NUMB: variants seen among roughly 807,000 people sequenced by gnomAD.
NUMB encodes the protein protein numb homolog.
Under a neutral mutation model 59.7 loss-of-function variants are expected in NUMB, and 29 were observed. The observed-to-expected ratio is 0.49, with a 90% confidence interval of 0.36 to 0.66. NUMB has a LOEUF of 0.66. Among genes scored for constraint, NUMB ranks in the 30% least tolerant of loss-of-function variants. The pLI, the probability that NUMB is intolerant of heterozygous loss-of-function variation, is 0.00. For missense variants in NUMB, 723 were observed against 822.0 expected (o/e 0.88, Z 1.47); for synonymous variants, 288 against 288.2 (o/e 1.00, Z 0.01).
intron 7 of NUMB, among the ~76,000 whole-genome samples, chr14:73,295,685 C>T (rs552258710): frequency 6.6e-6 from 1 of 152,114 alleles, no homozygotes; most frequent in Admixed American, 6.6e-5. Flanking sequence ...GACTTTCTCC[C>T]CTTTCAGTGG....
chr14:73,300,737 C>T (rs1312186775), intron 6 of NUMB, among the ~76,000 whole-genome samples: 2 of 152,030 alleles, frequency 1.3e-5, no homozygotes, highest in Non-Finnish European at 2.9e-5. Flanking sequence ...AAACTGGGAA[C>T]CCTTTGAAAA....
At chr14:73,430,839 G>T (rs935672188) in intron 1 of NUMB, among the ~76,000 whole-genome samples, 1 of 151,984 alleles carries the variant, frequency 6.6e-6, no homozygotes, top group Non-Finnish European at 1.5e-5. Context: ...CAGCTACTGG[G>T]AAGGCTGAGG....
At chr14:73,432,783 T>G (rs566264261) in intron 1 of NUMB, among the ~76,000 whole-genome samples, 1 of 152,190 alleles carries the variant, frequency 6.6e-6, no homozygotes, top group Non-Finnish European at 1.5e-5. Context: ...CTGTGATGCC[T>G]AGACCCTCTT....
intron 1 of NUMB, among the ~76,000 whole-genome samples, chr14:73,423,784 T>C (rs956848980): frequency 6.6e-6 from 1 of 151,748 alleles, no homozygotes; most frequent in African/African-American, 2.4e-5. Flanking sequence ...CACTCCAGCC[T>C]GGGCGTCAGA....
chr14:73,416,944 C>A (rs1447988135), intron 1 of NUMB, among the ~76,000 whole-genome samples: 1 of 151,622 alleles, frequency 6.6e-6, no homozygotes. Flanking sequence ...CCCCAACCCC[C>A]AGGCTCCACA....
intron 2 of NUMB, among the ~76,000 whole-genome samples, chr14:73,377,158 GATGACTTTGGGTAAGGCA>G (rs767149074): frequency 4.3e-4 from 65 of 152,274 alleles, no homozygotes; most frequent in Admixed American, 1.4e-3. Context: ...ATAACATCTA[GATGACTTTGGGTAAGGCA>G]ATGACTTTTA....
intron 2 of NUMB, among the ~76,000 whole-genome samples, chr14:73,387,956 C>CAAAA (rs66701940): frequency 1.4e-4 from 13 of 94,366 alleles, no homozygotes; most frequent in African/African-American, 3.7e-4. Context: ...CTGTCTCTAC[C>CAAAA]AAAAAAAAAA....
intron 4 of NUMB, among the ~76,000 whole-genome samples, chr14:73,330,269 C>A (rs933892440): frequency 7.9e-5 from 12 of 152,120 alleles, no homozygotes; most frequent in African/African-American, 2.2e-4. Context: ...TGAGCTCAAG[C>A]ATTCTGCCTG....
chr14:73,441,269 T>C (rs965218997), intron 1 of NUMB, among the ~76,000 whole-genome samples: 1 of 152,068 alleles, frequency 6.6e-6, no homozygotes, highest in Non-Finnish European at 1.5e-5. Context: ...ATTTCTACTT[T>C]AGGCCAGGCA....
chr14:73,355,868 AG>A (rs1456269679), intron 3 of NUMB, 102 bp from the exon 4 acceptor site: 2 of 845,100 alleles, frequency 2.4e-6, no homozygotes, highest in Admixed American at 5.7e-5. Context: ...CCAAAATTAA[AG>A]GTTTTGGGTT....
chr14:73,396,695 A>G (rs559884305), intron 2 of NUMB, among the ~76,000 whole-genome samples: 17 of 152,268 alleles, frequency 1.1e-4, no homozygotes, highest in African/African-American at 4.1e-4. Context: ...ATATGCAACT[A>G]AAGACCTTAA....
In NUMB at chr14:73,279,435, A is replaced by G. The variant is rs770597407; in HGVS notation, c.1097-11T>C. 1.9e-6 allele frequency: 3 copies of G among 1,564,236 alleles called. No homozygotes were observed. The highest frequency in any genetic ancestry group is 1.2e-5 in the South Asian group (1 of 81,578). Reference sequence around the variant, plus strand: ...AGTCAGTGCCATTAGCTACAACGGGAGCAGACAACATCAATGGAGTTAATT... The same window carrying G: ...AGTCAGTGCCATTAGCTACAACGGGGGCAGACAACATCAATGGAGTTAATT... On this transcript the variant is annotated splice_polypyrimidine_tract_variant and intron_variant, in intron 11 of 12. Coordinates refer to ENST00000555238, the MANE Select transcript of NUMB (RefSeq NM_001005743.2).
intron 1 of NUMB, among the ~76,000 whole-genome samples, chr14:73,435,734 C>T (rs1271601572): frequency 6.6e-6 from 1 of 151,898 alleles, no homozygotes; most frequent in Non-Finnish European, 1.5e-5. Flanking sequence ...GATCTGGGCT[C>T]AGTGGCTCAC....
chr14:73,339,830 A>G (rs1892535721), intron 4 of NUMB, among the ~76,000 whole-genome samples: 1 of 152,150 alleles, frequency 6.6e-6, no homozygotes, highest in Non-Finnish European at 1.5e-5. Flanking sequence ...CTTGCTAGCA[A>G]TGAGGTTAGT....
chr14:73,369,456 TTAAAA>T (rs1375657325), intron 2 of NUMB, among the ~76,000 whole-genome samples: 5 of 152,208 alleles, frequency 3.3e-5, no homozygotes, highest in Admixed American at 1.3e-4. Context: ...TAAAAAAGAC[TTAAAA>T]TAAGACTATT....
chr14:73,342,797 A>C (rs1892703888), intron 4 of NUMB, among the ~76,000 whole-genome samples: 1 of 152,186 alleles, frequency 6.6e-6, no homozygotes, highest in South Asian at 2.1e-4. Context: ...GCACACAGCT[A>C]ATAAGAGCAA....
At chr14:73,456,874 C>T (rs1884412505) in intron 1 of NUMB, among the ~76,000 whole-genome samples, 1 of 152,170 alleles carries the variant, frequency 6.6e-6, no homozygotes, top group South Asian at 2.1e-4. Context: ...TGGGGCCAAG[C>T]AATCTACATT....
chr14:73,388,474 CAG>C (rs1161922520), intron 2 of NUMB, among the ~76,000 whole-genome samples: 1 of 151,908 alleles, frequency 6.6e-6, no homozygotes, highest in East Asian at 1.9e-4. Context: ...TGGTGTTTAT[CAG>C]AATAAGTTAT....
intron 2 of NUMB, among the ~76,000 whole-genome samples, chr14:73,373,860 T>G (rs993071382): frequency 2.4e-4 from 37 of 151,800 alleles, no homozygotes; most frequent in African/African-American, 8.5e-4. Context: ...CACACCACCA[T>G]GCTTAGCTAA....
Sources: allele counts gnomAD v4.1 joint callset (sites outside exome capture counted in the v4.1 genomes callset), GRCh38; gene constraint gnomAD v4.1.1; transcripts MANE v1.5; gene names NCBI Gene and HGNC (gene_info 2026-07-23, HGNC 2026-07-21).